The following AGAP1 variants were observed in gnomAD, a reference collection of about 807,000 sequenced individuals.
AGAP1 encodes the protein arf-GAP with GTPase, ANK repeat and PH domain-containing protein 1.
A neutral mutation model predicts 105.3 loss-of-function variants in AGAP1; 29 were observed. The observed-to-expected ratio is 0.28, with a 90% confidence interval of 0.21 to 0.38. The LOEUF (loss-of-function observed/expected upper bound fraction) is 0.38. AGAP1 is among the 10% of genes least tolerant of loss of function. The probability of loss-of-function intolerance (pLI) is 1.00; values close to 1 mark genes in which losing one functional copy is unlikely to be tolerated. For missense variants in AGAP1, 998 were observed against 1,165.1 expected, an observed-to-expected ratio of 0.86 and a Z score of 2.09; for synonymous variants, 509 against 485.9, an observed-to-expected ratio of 1.05 and a Z score of -0.63.
At chr2:235,918,717 T>A (rs147545669) in intron 11 of AGAP1, among the ~76,000 whole-genome samples, 2 of 152,190 alleles carry the variant, frequency 1.3e-5, no homozygotes, top group African/African-American at 4.8e-5. Context: ...TTACCCATCA[T>A]GTTAAATGTA....
At chr2:236,067,839 C>T (rs566331493) in intron 16 of AGAP1, among the ~76,000 whole-genome samples, 5 of 152,218 alleles carry the variant, frequency 3.3e-5, no homozygotes, top group South Asian at 2.1e-4. Context: ...GAGTAATGAC[C>T]GTTCCTGGAT....
intron 13 of AGAP1, among the ~76,000 whole-genome samples, chr2:236,024,042 T>C (rs1449439982): frequency 6.7e-6 from 1 of 148,702 alleles, no homozygotes; most frequent in East Asian, 2.0e-4. Flanking sequence ...TTGTTTTTTT[T>C]TTTTTTTGGA....
intron 10 of AGAP1, among the ~76,000 whole-genome samples, chr2:235,896,766 C>T (rs1434523771): frequency 3.3e-5 from 5 of 152,142 alleles, no homozygotes; most frequent in East Asian, 1.9e-4. Flanking sequence ...GGAATTAGGC[C>T]GCCATAAAAG....
intron 10 of AGAP1, among the ~76,000 whole-genome samples, chr2:235,890,060 C>T (rs1005013784): frequency 6.6e-6 from 1 of 152,040 alleles, no homozygotes; most frequent in Admixed American, 6.6e-5. Flanking sequence ...GCACTGGCTG[C>T]CTCAGGATGA....
rs1236801566 is a variant in AGAP1 at position 236,038,062 on chromosome 2, A to G, written c.1800+1347A>G. On this transcript the variant is annotated intron_variant, in intron 14 of 17. Transcript: ENST00000304032. This position sits in a 1 kb window ranked among gnomAD's most constrained non-coding sequence, Gnocchi z 4.5. ...GGTAAACCAGACCACAGTCATTATT[A>G]TTATAATGTAATTTGCTTCCCTTTT... Among the ~76,000 whole-genome samples the G allele has an allele frequency of 6.6e-6, 1 of 152,196 alleles. No individual in the cohort carries two copies. Among genetic ancestry groups the G allele is most frequent in the African/African-American group, 2.4e-5 (1 of 41,458 alleles).
At chr2:235,516,250 A>G (rs951503423) in intron 1 of AGAP1, among the ~76,000 whole-genome samples, 2 of 152,134 alleles carry the variant, frequency 1.3e-5, no homozygotes, top group Non-Finnish European at 2.9e-5. Context: ...TGCTTGCAGA[A>G]TGAATGTCTT....
In AGAP1 at chr2:235,660,699, A is replaced by G. The variant is rs1306332631; in HGVS notation, c.164-48480A>G. On this transcript the variant is annotated intron_variant, in intron 1 of 17. Transcript: ENST00000304032. This position sits in a 1 kb window ranked among gnomAD's most constrained non-coding sequence, Gnocchi z 5.3. ...GGTATGGTGTGGTTGGGAACTAGAA[A>G]GGACACTGGTGTGTTTAGATGGGGA... is the stretch of plus-strand genomic sequence containing the variant. Among the ~76,000 whole-genome samples the G allele has an allele frequency of 2.0e-5, 3 of 152,176 alleles. No individual in the cohort carries two copies. The highest frequency in any genetic ancestry group is 1.5e-5 in the Non-Finnish European group (1 of 68,042).
At chr2:235,916,171 A>G (rs1189799808) in intron 11 of AGAP1, among the ~76,000 whole-genome samples, 2 of 152,228 alleles carry the variant, frequency 1.3e-5, no homozygotes, top group Non-Finnish European at 2.9e-5. Context: ...TACTCCAGAA[A>G]AAAAAAGAAG....
intron 1 of AGAP1, among the ~76,000 whole-genome samples, chr2:235,502,689 T>G (rs1941613363): frequency 6.7e-6 from 1 of 150,142 alleles, no homozygotes; most frequent in Admixed American, 6.7e-5. Flanking sequence ...GGTTAGAAGC[T>G]TTTTATTTGC....
At position 236,056,167 on chromosome 2, in the gene AGAP1, G is replaced by A. The variant is rs1438564058; in HGVS notation, c.2114+6886G>A. On this transcript the variant is annotated intron_variant, in intron 16 of 17. Coordinates refer to ENST00000304032, the MANE Select transcript of AGAP1 (RefSeq NM_001037131.3). This position sits in a 1 kb window ranked among gnomAD's most constrained non-coding sequence, Gnocchi z 4.6. ...ATTCTCCATGAGGTTAAGTATAATG[G>A]GATCTGCTTTTTCAAGGATAACTAT... Among the ~76,000 whole-genome samples, 2 of 152,042 alleles carry A rather than the reference G, an allele frequency of 1.3e-5. No homozygotes were observed. Among genetic ancestry groups the A allele is most frequent in the Admixed American group, 6.6e-5 (1 of 15,258 alleles).
At chr2:235,807,386 TC>T in intron 9 of AGAP1, 55 bp downstream of exon 9, 1 of 1,491,834 alleles carries the variant, frequency 6.7e-7, no homozygotes, top group East Asian at 2.4e-5. Context: ...CCTCAGGTCT[TC>T]CTGGAGATGA....
Position 235,874,036 on chromosome 2 carries a change from G to A in AGAP1, c.1051-9309G>A, listed in dbSNP as rs112618849. 2.0e-5 allele frequency among the ~76,000 whole-genome samples: 3 copies of A among 150,326 alleles called. No homozygotes were observed. The highest frequency in any genetic ancestry group is 4.9e-5 in the African/African-American group (2 of 40,822). On this transcript the variant is annotated intron_variant, in intron 9 of 17. Transcript: ENST00000304032. This position sits in a 1 kb window ranked among gnomAD's most constrained non-coding sequence, Gnocchi z 4.5. ...GAGCCATCACGCCCAGCCCAGAACCGCATTCTGTTTTTTGTTTTGTTTTGT... is the reference window on the plus strand; with the variant it reads ...GAGCCATCACGCCCAGCCCAGAACCACATTCTGTTTTTTGTTTTGTTTTGT...
At chr2:235,913,517 T>A (rs1036746905) in intron 11 of AGAP1, among the ~76,000 whole-genome samples, 1 of 152,208 alleles carries the variant, frequency 6.6e-6, no homozygotes, top group Non-Finnish European at 1.5e-5. Context: ...AAATGGGCTG[T>A]GTTTCTGGCC....
Position 235,612,875 on chromosome 2 carries a change from A to G in AGAP1, c.164-96304A>G, listed in dbSNP as rs866715505. Among the ~76,000 whole-genome samples, 20 of 152,128 alleles carry G rather than the reference A, an allele frequency of 1.3e-4. No individual in the cohort carries two copies. The highest frequency in any genetic ancestry group is 4.6e-4 in the African/African-American group (19 of 41,406). ...TTCTGCTTCCAGTGAGACTCCGCCC[A>G]GGTTATGTTTGTGGCCTTTTATCTC... On this transcript the variant is annotated intron_variant, in intron 1 of 17. Coordinates refer to ENST00000304032, the MANE Select transcript of AGAP1 (RefSeq NM_001037131.3). This position sits in a 1 kb window ranked among gnomAD's most constrained non-coding sequence, Gnocchi z 4.3.
In AGAP1 at chr2:236,121,297, CT is replaced by C. The variant is rs1207053875; in HGVS notation, c.2370+856del. 6.6e-6 allele frequency among the ~76,000 whole-genome samples: 1 copy of C among 152,148 alleles called. No individual in the cohort carries two copies. The highest frequency in any genetic ancestry group is 1.5e-5 in the Non-Finnish European group (1 of 68,024). On this transcript the variant is annotated intron_variant, in intron 17 of 17. Transcript: ENST00000304032. This position sits in a 1 kb window ranked among gnomAD's most constrained non-coding sequence, Gnocchi z 4.9. ...AGGTTTCTGCATGTTTTTGATCTGACTTTTTTGTTTTTTGTTTTTTTGAGAC... is the reference window on the plus strand; with the variant it reads ...AGGTTTCTGCATGTTTTTGATCTGACTTTTTGTTTTTTGTTTTTTTGAGAC...
rs1353556500 is a variant in AGAP1 at position 235,608,178 on chromosome 2, C to A, written c.164-101001C>A. ...GCCTCTGGAGCATCCCCTTGCGGAGCCTCAGCATCTCTTCTCTGCTTGGCC... is the reference window on the plus strand; with the variant it reads ...GCCTCTGGAGCATCCCCTTGCGGAGACTCAGCATCTCTTCTCTGCTTGGCC... On this transcript the variant is annotated intron_variant, in intron 1 of 17. Coordinates refer to ENST00000304032, the MANE Select transcript of AGAP1 (RefSeq NM_001037131.3). The surrounding 1 kb of genome is among the most constrained non-coding windows in gnomAD (Gnocchi z 5.4). 2.0e-5 allele frequency among the ~76,000 whole-genome samples: 3 copies of A among 152,324 alleles called. No individual in the cohort carries two copies. Among genetic ancestry groups the A allele is most frequent in the Non-Finnish European group, 2.9e-5 (2 of 68,036 alleles).
At chr2:235,546,657 G>A (rs925548925) in intron 1 of AGAP1, among the ~76,000 whole-genome samples, 3 of 152,068 alleles carry the variant, frequency 2.0e-5, no homozygotes, top group Non-Finnish European at 4.4e-5. Flanking sequence ...GTGTGTGGGG[G>A]CATCATTGGG....
At position 235,700,384 on chromosome 2, in the gene AGAP1, T is replaced by C. The variant is rs1322608565; in HGVS notation, c.164-8795T>C. Among the ~76,000 whole-genome samples the C allele has an allele frequency of 1.3e-5, 2 of 152,214 alleles. No homozygotes were observed. Among genetic ancestry groups the C allele is most frequent in the Non-Finnish European group, 2.9e-5 (2 of 68,034 alleles). ...CAAATCCTCACGCCCTCTGCTTTGATTCTCTCAGACGTGAATCCTTTAAGC... is the reference window on the plus strand; with the variant it reads ...CAAATCCTCACGCCCTCTGCTTTGACTCTCTCAGACGTGAATCCTTTAAGC... On this transcript the variant is annotated intron_variant, in intron 1 of 17. Coordinates refer to ENST00000304032, the MANE Select transcript of AGAP1 (RefSeq NM_001037131.3). This position sits in a 1 kb window ranked among gnomAD's most constrained non-coding sequence, Gnocchi z 6.1.
chr2:235,763,153 G>A (rs915811757), intron 6 of AGAP1, among the ~76,000 whole-genome samples: 1 of 152,006 alleles, frequency 6.6e-6, no homozygotes, highest in African/African-American at 2.4e-5. Flanking sequence ...TACACGTGGA[G>A]CATCCCTAAT....
Sources: allele counts gnomAD v4.1 joint callset (sites outside exome capture counted in the v4.1 genomes callset), GRCh38; gene constraint gnomAD v4.1.1; non-coding constraint Gnocchi (gnomAD v3.1); transcripts MANE v1.5; gene names NCBI Gene and HGNC (gene_info 2026-07-23, HGNC 2026-07-21).